Variants in HAT1 observed in about 807,000 individuals in gnomAD.
HAT1 encodes histone acetyltransferase 1, also known as histone acetyltransferase type B catalytic subunit.
HAT1 carries 20 observed loss-of-function variants against 56.6 expected under a neutral mutation model. That is an observed-to-expected ratio of 0.35 (90% confidence interval 0.25 to 0.51). The LOEUF (loss-of-function observed/expected upper bound fraction) is 0.51, where lower values mean the gene tolerates loss of function less well. Ranked by LOEUF, HAT1 falls within the 20% of genes least tolerant of loss-of-function variation. The probability of loss-of-function intolerance (pLI) is 0.95; values close to 1 mark genes in which losing one functional copy is unlikely to be tolerated. For synonymous variants in HAT1, 146 were observed against 165.5 expected (o/e 0.88, Z 0.91); for missense variants, 408 against 504.3 (o/e 0.81, Z 1.83).
chr2:171,947,741 T>C (rs1314107726), intron 3 of HAT1, among the ~76,000 whole-genome samples: 1 of 152,112 alleles, frequency 6.6e-6, no homozygotes, highest in Non-Finnish European at 1.5e-5. Context: ...TAGCCAGGTG[T>C]AGTGGCACAC....
At chr2:171,941,828 T>C (rs1478387633) in intron 2 of HAT1, among the ~76,000 whole-genome samples, 6 of 152,214 alleles carry the variant, frequency 3.9e-5, no homozygotes, top group Non-Finnish European at 8.8e-5. Context: ...GCCCCTCCTA[T>C]AGAGCAATAA....
chr2:171,974,167 C>G (rs1334527242), intron 8 of HAT1, among the ~76,000 whole-genome samples: 1 of 85,864 alleles, frequency 1.2e-5, no homozygotes, highest in Non-Finnish European at 2.0e-5. Flanking sequence ...GAGTGAGACC[C>G]TGTCTCAAAA....
chr2:171,962,681 A>G (rs1687602193), intron 4 of HAT1, among the ~76,000 whole-genome samples: 1 of 152,324 alleles, frequency 6.6e-6, no homozygotes, highest in Admixed American at 6.5e-5. Context: ...GGTGTGAGCC[A>G]CCATGCCCAG....
chr2:171,973,979 A>T (rs1687883881), intron 8 of HAT1, among the ~76,000 whole-genome samples: 1 of 152,056 alleles, frequency 6.6e-6, no homozygotes. Flanking sequence ...CAGGAGTTCG[A>T]GAGCAGCCTA....
At chr2:171,930,038 G>C (rs181400183) in intron 2 of HAT1, among the ~76,000 whole-genome samples, 5 of 152,296 alleles carry the variant, frequency 3.3e-5, no homozygotes, top group African/African-American at 1.2e-4. Context: ...GAGCCTTCCA[G>C]TATATGAACA....
In HAT1 at chr2:171,925,561, T is replaced by G; in HGVS notation, c.32T>G (p.Leu11Trp). 1 of 1,553,680 alleles carries G rather than the reference T, an allele frequency of 6.4e-7. No homozygotes were observed. Among genetic ancestry groups the G allele is most frequent in the Non-Finnish European group, 8.9e-7 (1 of 1,125,156 alleles). The change falls in exon 2 of 11, where the codon TTG becomes TGG. Residue 11 changes from leucine to tryptophan, a missense_variant. Coordinates refer to ENST00000264108, the MANE Select transcript of HAT1 (RefSeq NM_003642.4). MAGFGAMEKF[L>W]VEYKSAVEKK... is the part of the protein sequence containing the mutation. ...GGATTTGGTGCTATGGAGAAATTTT[T>G]GGTAGAATATAAGAGTGCAGTGGAG...
chr2:171,949,909 T>C (rs1483463178), intron 3 of HAT1, among the ~76,000 whole-genome samples: 6 of 152,184 alleles, frequency 3.9e-5, no homozygotes, highest in Non-Finnish European at 8.8e-5. Flanking sequence ...TCAGACACTT[T>C]TGAGTCTTTC....
chr2:171,966,380 A>G (rs1025654357), intron 6 of HAT1, 29 bp from the exon 7 acceptor site: 6 of 1,138,384 alleles, frequency 5.3e-6, no homozygotes, highest in Non-Finnish European at 8.1e-6. Context: ...ACTGTAATTG[A>G]CCTGCTTGGC....
chr2:171,947,910 G>C (rs1574047288), intron 3 of HAT1, among the ~76,000 whole-genome samples: 1 of 152,060 alleles, frequency 6.6e-6, no homozygotes, highest in Admixed American at 6.6e-5. Flanking sequence ...ATATGTCCCA[G>C]TATATTTAGC....
intron 2 of HAT1, among the ~76,000 whole-genome samples, chr2:171,933,443 A>G (rs1206854684): frequency 6.6e-6 from 1 of 151,848 alleles, no homozygotes; most frequent in Non-Finnish European, 1.5e-5. Flanking sequence ...TACTAGCATT[A>G]ATGTTATAAA....
chr2:171,976,262 A>G lies in HAT1; in HGVS notation c.929A>G (p.Asn310Ser). Residue 310 changes from asparagine (N) to serine (S), a missense_variant, in exon 9 of 11, where the codon AAT (asparagine) becomes AGT (serine). Transcript: ENST00000264108. The stretch of plus-strand genomic sequence containing the variant: ...CGGGAAAAATTAATGCAAGGATTCA[A>G]TGAAGATATGGTGATAGAGGCACAA... ...FSREKLMQGF[N>S]EDMVIEAQQK... 8.1e-6 allele frequency: 13 copies of G among 1,598,342 alleles called. No individual in the cohort carries two copies. Among genetic ancestry groups the G allele is most frequent in the Non-Finnish European group, 1.0e-5 (12 of 1,171,124 alleles).
Position 171,983,500 on chromosome 2 carries a change from T to A in HAT1, c.*148T>A. ...GTTGAATATTTTCTTTTGGAGAGAT[T>A]GTATATTTTAAAATACTGTTTAGAG... On this transcript the variant is annotated 3_prime_UTR_variant, in exon 11 of 11. Coordinates refer to ENST00000264108, the MANE Select transcript of HAT1 (RefSeq NM_003642.4). 2.2e-6 allele frequency: 1 copy of A among 462,182 alleles called. No homozygotes were observed. Among genetic ancestry groups the A allele is most frequent in the Admixed American group, 3.9e-5 (1 of 25,930 alleles). 28.6% of individuals were successfully genotyped at this position (462,182 alleles called of 1,614,324 possible).
At chr2:171,925,294 A>G (rs1413613457) in intron 1 of HAT1, among the ~76,000 whole-genome samples, 1 of 149,450 alleles carries the variant, frequency 6.7e-6, no homozygotes, top group African/African-American at 2.5e-5. Context: ...CTGACCTCGA[A>G]CTCCTGACCT....
At chr2:171,967,475 G>T (rs1425219299) in intron 8 of HAT1, among the ~76,000 whole-genome samples, 2 of 152,042 alleles carry the variant, frequency 1.3e-5, no homozygotes, top group Non-Finnish European at 2.9e-5. Context: ...TTTCAGTATG[G>T]ATTAGCCATA....
intron 1 of HAT1, chr2:171,924,620 T>A (rs967887737): frequency 1.3e-5 from 2 of 152,384 alleles, no homozygotes; most frequent in Admixed American, 1.3e-4. Flanking sequence ...GTAAAACTAT[T>A]GTGCCAGTAG....
At chr2:171,948,173 C>T (rs1476216043) in intron 3 of HAT1, among the ~76,000 whole-genome samples, 1 of 152,136 alleles carries the variant, frequency 6.6e-6, no homozygotes, top group Non-Finnish European at 1.5e-5. Context: ...CATTTCTTTT[C>T]ACTATGTATT....
intron 3 of HAT1, 142 bp from the exon 4 acceptor site, chr2:171,952,739 C>A: frequency 2.0e-6 from 1 of 506,270 alleles, no homozygotes; most frequent in Non-Finnish European, 3.5e-6. Context: ...AAAACTGAAG[C>A]ACATTTTATT....
chr2:171,974,186 A>AG (rs1687894513), intron 8 of HAT1, among the ~76,000 whole-genome samples: 7 of 105,204 alleles, frequency 6.7e-5, no homozygotes, highest in African/African-American at 1.1e-4. Context: ...AAAAAAAAAA[A>AG]AAAAAAGAAA....
chr2:171,943,380 C>T (rs1236521377), intron 2 of HAT1, among the ~76,000 whole-genome samples: 1 of 121,588 alleles, frequency 8.2e-6, no homozygotes, highest in Non-Finnish European at 1.6e-5. Flanking sequence ...AATTGCACTC[C>T]AGCCTGGGCG....
Sources: gnomAD v4.1 joint callset for allele counts (sites outside exome capture counted in the v4.1 genomes callset) on GRCh38, gnomAD v4.1.1 for gene constraint, MANE v1.5 for transcripts, NCBI Gene and HGNC (gene_info 2026-07-23, HGNC 2026-07-21) for gene names.